TTC38: variants seen among roughly 807,000 people sequenced by gnomAD.
TTC38 encodes tetratricopeptide repeat domain 38, also known as tetratricopeptide repeat protein 38.
In TTC38, 64 loss-of-function variants were observed where a neutral mutation model predicts 64.2. The observed-to-expected ratio is 1.00, with a 90% CI of 0.81 to 1.23. TTC38 has a LOEUF of 1.23. TTC38 is among the 50% of genes most tolerant of loss of function. TTC38 has a pLI of 0.00. For synonymous variants in TTC38, 254 were observed against 249.3 expected (o/e 1.02, Z -0.18); for missense variants, 573 against 615.5 (o/e 0.93, Z 0.73).
chr22:46,269,773 C>T (rs6008434), intron 2 of TTC38, among the ~76,000 whole-genome samples: 21,696 of 152,126 alleles, frequency 0.14, 3,680 homozygotes, highest in African/African-American at 0.41. Context: ...TCCTGTATCT[C>T]GCCGGCCTCT....
In TTC38 at chr22:46,276,603, C is replaced by T. The variant is rs1002304754; in HGVS notation, c.539+1182C>T. 5.9e-5 allele frequency among the ~76,000 whole-genome samples: 9 copies of T among 151,340 alleles called. No individual in the cohort carries two copies. The highest frequency in any genetic ancestry group is 8.8e-5 in the Non-Finnish European group (6 of 67,936). ...GTTCCGGCTACTCAGGAGGCTGTGG[C>T]GGGAGGTTCCCTTGAGCCCAGGAGT... On this transcript the variant is annotated intron_variant, in intron 5 of 13. Transcript: ENST00000381031. The surrounding 1 kb of genome is among the most constrained non-coding windows in gnomAD (Gnocchi z 4.7).
chr22:46,292,045 G>C lies in TTC38; in HGVS notation c.1317-746G>C, dbSNP rs2077620244. Among the ~76,000 whole-genome samples, 1 of 152,226 alleles carries C rather than the reference G, an allele frequency of 6.6e-6. No individual in the cohort carries two copies. Among genetic ancestry groups the C allele is most frequent in the Non-Finnish European group, 1.5e-5 (1 of 68,044 alleles). ...CAGTTCTGGAGGCTGGAATGTCCAG[G>C]AACAAGGCCTGGCTGGGTTCAGTTT... On this transcript the variant is annotated intron_variant, in intron 13 of 13. Coordinates refer to ENST00000381031, the MANE Select transcript of TTC38 (RefSeq NM_017931.4). This position sits in a 1 kb window ranked among gnomAD's most constrained non-coding sequence, Gnocchi z 6.5.
rs781209800 is a variant in TTC38, at chr22:46,285,298, G to A, written c.834+19G>A. 3.1e-5 allele frequency: 50 copies of A among 1,613,696 alleles called. No homozygotes were observed. Among genetic ancestry groups the A allele is most frequent in the Non-Finnish European group, 4.0e-5 (47 of 1,179,586 alleles). On this transcript the variant is annotated intron_variant, in intron 9 of 13. Coordinates refer to ENST00000381031, the MANE Select transcript of TTC38 (RefSeq NM_017931.4). ...TACCCACGTAAGTTGCATTCACACCGTGTTTGGTTTGTTGCAGCATTTTGC... is the reference window on the plus strand; with the variant it reads ...TACCCACGTAAGTTGCATTCACACCATGTTTGGTTTGTTGCAGCATTTTGC...
chr22:46,288,250 T>C (rs1373193379), intron 10 of TTC38, among the ~76,000 whole-genome samples, 173 bp from the exon 11 acceptor site: 3 of 152,164 alleles, frequency 2.0e-5, no homozygotes, highest in Non-Finnish European at 4.4e-5. Context: ...ACAGTCCTGA[T>C]AGAGGCCTAA....
intron 13 of TTC38, among the ~76,000 whole-genome samples, chr22:46,290,248 A>T (rs1184740552): frequency 6.6e-6 from 1 of 152,172 alleles, no homozygotes; most frequent in Non-Finnish European, 1.5e-5. Context: ...CCTAATGCTC[A>T]GTTAGACCTC....
chr22:46,277,163 C>G (rs983516720), intron 5 of TTC38, among the ~76,000 whole-genome samples: 10 of 152,022 alleles, frequency 6.6e-5, no homozygotes, highest in African/African-American at 1.2e-4. Context: ...AATCAGTCTT[C>G]TTGCAAAGTA....
Position 46,268,076 on chromosome 22 carries a change from C to T in TTC38, c.33+4C>T. 6.5e-7 allele frequency: 1 copy of T among 1,542,310 alleles called. No individual in the cohort carries two copies. The highest frequency in any genetic ancestry group is 1.8e-4 in the Middle Eastern group (1 of 5,452). On this transcript the variant is annotated splice_donor_region_variant and intron_variant, in intron 1 of 13. Transcript: ENST00000381031. ...CTCGCCTCTGCGCGACTGCCAGGTA[C>T]ACGGAGGCTGCCCCCAACCAGGTCC...
chr22:46,283,875 AAAAGAT>A (rs1394409532), intron 7 of TTC38, 92 bp from the exon 8 acceptor site: 1 of 711,724 alleles, frequency 1.4e-6, no homozygotes, highest in Non-Finnish European at 2.1e-6. Context: ...AAAAAAAAAA[AAAAGAT>A]GATGGTTTCT....
At position 46,292,954 on chromosome 22, in the gene TTC38, C is replaced by A; in HGVS notation, c.*70C>A. 1 of 1,276,960 alleles carries A rather than the reference C, an allele frequency of 7.8e-7. No homozygotes were observed. The allele number at this position is 1,276,960 out of a possible 1,614,324, so 79.1% of individuals were successfully genotyped here. A position where few individuals can be genotyped will look rare whatever the true frequency, so the allele number is the denominator to read the frequency against. ...CACTGCGTCCAGTCAGCTGCTCCAC[C>A]GGGTTAGGGTCAGGAGACGGCCAGA... On this transcript the variant is annotated 3_prime_UTR_variant, in exon 14 of 14. Coordinates refer to ENST00000381031, the MANE Select transcript of TTC38 (RefSeq NM_017931.4). The surrounding 1 kb of genome is among the most constrained non-coding windows in gnomAD (Gnocchi z 6.5).
chr22:46,292,813 G>T lies in TTC38; in HGVS notation c.1339G>T (p.Ala447Ser), dbSNP rs1233234161. 6.2e-7 allele frequency: 1 copy of T among 1,614,020 alleles called. No individual in the cohort carries two copies. Among genetic ancestry groups the T allele is most frequent in the Admixed American group, 1.7e-5 (1 of 60,022 alleles). The change falls in exon 14 of 14, where the codon GCC (alanine) becomes TCC (serine). Residue 447 changes from alanine (A) to serine (S), a missense_variant. By Grantham distance (99) the Ala-to-Ser change is moderately conservative (BLOSUM62 1). Transcript: ENST00000381031. The surrounding 1 kb of genome is among the most constrained non-coding windows in gnomAD (Gnocchi z 6.5). ...CAGGAGCCTTCTGATGGAGCGTGATGCCTTGAAGCCCAACTCGCCCCTGAC... is the reference window on the plus strand; with the variant it reads ...CAGGAGCCTTCTGATGGAGCGTGATTCCTTGAAGCCCAACTCGCCCCTGAC... ...VARSLLMERD[A>S]LKPNSPLTER...
Position 46,290,127 on chromosome 22 carries a change from C to T in TTC38, c.1316+228C>T, listed in dbSNP as rs531416256. Among the ~76,000 whole-genome samples, 13 of 152,360 alleles carry T rather than the reference C, an allele frequency of 8.5e-5. No homozygotes were observed. In the South Asian group the frequency reaches 2.5e-3, roughly 29 times the overall value. ...ACCTCCCACCCTTCCCAGCCCACTC[C>T]CTTTTAGCCTTGCTAAGCTACCTGG... On this transcript the variant is annotated intron_variant, in intron 13 of 13. Transcript: ENST00000381031.
At chr22:46,283,116 TAG>T (rs1376463288) in intron 7 of TTC38, among the ~76,000 whole-genome samples, 4 of 151,952 alleles carry the variant, frequency 2.6e-5, no homozygotes, top group African/African-American at 9.7e-5. Flanking sequence ...TTTTTTTTTT[TAG>T]AGAGACAGGG....
intron 6 of TTC38, among the ~76,000 whole-genome samples, chr22:46,279,116 A>G (rs2077514958): frequency 6.6e-6 from 1 of 152,186 alleles, no homozygotes; most frequent in Non-Finnish European, 1.5e-5. Flanking sequence ...ACGGCACCAG[A>G]GGTTCAGGGA....
intron 5 of TTC38, among the ~76,000 whole-genome samples, chr22:46,277,847 G>A (rs1375855420): frequency 2.6e-5 from 4 of 152,238 alleles, no homozygotes; most frequent in Admixed American, 6.5e-5. Context: ...CACAGGTCAC[G>A]GAGGCTTCCC....
chr22:46,272,390 AG>A lies in TTC38; in HGVS notation c.168del (p.Lys56AsnfsTer10). 1.1e-5 allele frequency: 17 copies of A among 1,613,956 alleles called. No homozygotes were observed. Among genetic ancestry groups the A allele is most frequent in the Admixed American group, 3.3e-5 (2 of 59,998 alleles). On this transcript the variant is annotated frameshift_variant, in exon 3 of 14. Transcript: ENST00000381031. LOFTEE classifies it high-confidence loss of function. This position sits in a 1 kb window ranked among gnomAD's most constrained non-coding sequence, Gnocchi z 6.4. ...SLGGIEGCLS[K>X]LKAADPTFVM... is the part of the protein sequence containing the mutation. ...GGTGGCATCGAGGGCTGCCTGTCAA[AG>A]CTCAAAGCAGCAGATCCAACCTTTG...
chr22:46,276,582 C>T lies in TTC38; in HGVS notation c.539+1161C>T, dbSNP rs112449012. On this transcript the variant is annotated intron_variant, in intron 5 of 13. Transcript: ENST00000381031. This position sits in a 1 kb window ranked among gnomAD's most constrained non-coding sequence, Gnocchi z 4.7. ...GCATGGTGGCATGTGCCTGTAGTTC[C>T]GGCTACTCAGGAGGCTGTGGCGGGA... Among the ~76,000 whole-genome samples the T allele has an allele frequency of 9.2e-4, 140 of 151,566 alleles. No homozygotes were observed. The highest frequency in any genetic ancestry group is 2.6e-3 in the African/African-American group (106 of 41,320).
rs1936891859 is a variant in TTC38, at chr22:46,271,331, G to C, written c.112-1004G>C. Among the ~76,000 whole-genome samples the C allele has an allele frequency of 6.6e-6, 1 of 151,512 alleles. No homozygotes were observed. Among genetic ancestry groups the C allele is most frequent in the Non-Finnish European group, 1.5e-5 (1 of 67,896 alleles). ...GGGTTCACGCCATTCTCCTGCCTCA[G>C]CCTCCCGAGTAGCTGGGATTACAGG... On this transcript the variant is annotated intron_variant, in intron 2 of 13. Coordinates refer to ENST00000381031, the MANE Select transcript of TTC38 (RefSeq NM_017931.4). The surrounding 1 kb of genome is among the most constrained non-coding windows in gnomAD (Gnocchi z 5.5).
chr22:46,288,597 A>G lies in TTC38; in HGVS notation c.1082+9A>G. On this transcript the variant is annotated intron_variant, in intron 11 of 13. Coordinates refer to ENST00000381031, the MANE Select transcript of TTC38 (RefSeq NM_017931.4). ...CTGCGGGACGCCAGCGAGTATGCAG[A>G]GGGGCCTTCTCGGGGTGGGGGTCCT... 1 of 1,611,940 alleles carries G rather than the reference A, an allele frequency of 6.2e-7. No individual in the cohort carries two copies.
Position 46,276,458 on chromosome 22 carries a change from G to A in TTC38, c.539+1037G>A, listed in dbSNP as rs757189556. Among the ~76,000 whole-genome samples, 5 of 152,118 alleles carry A rather than the reference G, an allele frequency of 3.3e-5. No individual in the cohort carries two copies. The highest frequency in any genetic ancestry group is 4.8e-5 in the African/African-American group (2 of 41,406). On this transcript the variant is annotated intron_variant, in intron 5 of 13. Transcript: ENST00000381031. The surrounding 1 kb of genome is among the most constrained non-coding windows in gnomAD (Gnocchi z 4.7). ...TCCCAGCTGTTTGGGAAGCTGAGGC[G>A]GTAGGATTGCTTGAGCCCAGGAGTT...
Sources: allele counts gnomAD v4.1 joint callset (sites outside exome capture counted in the v4.1 genomes callset), GRCh38; gene constraint gnomAD v4.1.1; non-coding constraint Gnocchi (gnomAD v3.1); transcripts MANE v1.5; gene names NCBI Gene and HGNC (gene_info 2026-07-23, HGNC 2026-07-21).